RANBP2: variants seen among roughly 807,000 people sequenced by gnomAD.
The protein encoded by RANBP2 is E3 SUMO-protein ligase RanBP2.
Under a neutral mutation model 303.6 loss-of-function variants are expected in RANBP2, and 57 were observed. The observed-to-expected ratio is 0.19, with a 90% CI of 0.15 to 0.23. The LOEUF (loss-of-function observed/expected upper bound fraction) is 0.23. RANBP2 is among the 10% of genes least tolerant of loss of function. The pLI is 1.00. For synonymous variants in RANBP2, 1,167 were observed against 1,301.5 expected (o/e 0.90, Z 2.23); for missense variants, 3,138 against 3,780.8 (o/e 0.83, Z 4.46).
At chr2:109,410,303 A>G in the RANBP2 span, among the ~76,000 whole-genome samples, 1 of 152,220 alleles carries the variant, frequency 6.6e-6, no homozygotes, top group African/African-American at 2.4e-5. Context: ...GCTGTGTGCC[A>G]TTCACCTGTG....
chr2:109,648,972 G>T, the RANBP2 span, among the ~76,000 whole-genome samples: 2 of 152,088 alleles, frequency 1.3e-5, no homozygotes, highest in Non-Finnish European at 2.9e-5. Flanking sequence ...ACTGGTTGCG[G>T]GTGAGAGGGC....
chr2:109,291,307 T>TTG, the RANBP2 span, among the ~76,000 whole-genome samples: 2 of 151,556 alleles, frequency 1.3e-5, no homozygotes, highest in Non-Finnish European at 2.9e-5. Flanking sequence ...TGCATTATGC[T>TTG]TGAAGGAGGT....
chr2:108,809,861 A>G, the RANBP2 span, among the ~76,000 whole-genome samples: 1 of 152,202 alleles, frequency 6.6e-6, no homozygotes, highest in African/African-American at 2.4e-5. Context: ...GCTGGAGTGC[A>G]GCAGCACGAT....
chr2:108,741,492 G>A (rs1223424278), intron 7 of RANBP2, among the ~76,000 whole-genome samples: 16 of 121,126 alleles, frequency 1.3e-4, no homozygotes, highest in East Asian at 7.6e-4. Flanking sequence ...CACTGCGCCT[G>A]GCCTTTTTTT....
At chr2:108,929,275 A>G in the RANBP2 span, 2 of 1,614,184 alleles carry the variant, frequency 1.2e-6, no homozygotes, top group African/African-American at 1.3e-5. Flanking sequence ...AGAAGCCCTC[A>G]CAGTCTTTGT....
the RANBP2 span, chr2:109,613,126 A>G: frequency 2.4e-6 from 3 of 1,268,386 alleles, no homozygotes; most frequent in African/African-American, 3.1e-5. Context: ...TAGCCTTTGG[A>G]AAACTCGATG....
At chr2:109,593,894 G>T in the RANBP2 span, among the ~76,000 whole-genome samples, 1 of 152,070 alleles carries the variant, frequency 6.6e-6, no homozygotes, top group Non-Finnish European at 1.5e-5. Flanking sequence ...CATATTACAC[G>T]TCCATATCAC....
the RANBP2 span, among the ~76,000 whole-genome samples, chr2:109,649,463 T>A: frequency 6.6e-6 from 1 of 152,040 alleles, no homozygotes; most frequent in Non-Finnish European, 1.5e-5. Context: ...GGTGGCGTGA[T>A]CTCGGGTCAC....
the RANBP2 span, among the ~76,000 whole-genome samples, chr2:109,432,258 T>C: frequency 6.6e-6 from 1 of 152,172 alleles, no homozygotes; most frequent in Non-Finnish European, 1.5e-5. Context: ...CCTAAGGCTG[T>C]GGGTGACAGG....
the RANBP2 span, among the ~76,000 whole-genome samples, chr2:109,739,872 T>C: frequency 6.6e-6 from 1 of 150,406 alleles, no homozygotes; most frequent in Non-Finnish European, 1.5e-5. Flanking sequence ...TATATGGCTT[T>C]TATTACCTTG....
At chr2:109,689,463 C>T in the RANBP2 span, among the ~76,000 whole-genome samples, 6 of 152,000 alleles carry the variant, frequency 3.9e-5, no homozygotes, top group African/African-American at 9.7e-5. Context: ...GTTGAATGTA[C>T]ATTTAAACTG....
intron 1 of RANBP2, among the ~76,000 whole-genome samples, chr2:108,721,853 C>A (rs1319643912): frequency 1.3e-5 from 2 of 152,082 alleles, no homozygotes; most frequent in East Asian, 3.9e-4. Flanking sequence ...TCCATCCTCC[C>A]ACCTTAGCCT....
At chr2:109,426,435 A>T in the RANBP2 span, among the ~76,000 whole-genome samples, 1 of 152,214 alleles carries the variant, frequency 6.6e-6, no homozygotes, top group Middle Eastern at 3.2e-3. Context: ...ACTTCAGTGT[A>T]GGAAGTCACC....
the RANBP2 span, among the ~76,000 whole-genome samples, chr2:108,830,547 C>A: frequency 3.3e-5 from 5 of 152,210 alleles, no homozygotes; most frequent in African/African-American, 1.2e-4. Flanking sequence ...TGGCTCACGC[C>A]TGTAATCCCA....
At chr2:108,721,432 T>G (rs1471347490) in intron 1 of RANBP2, among the ~76,000 whole-genome samples, 1 of 152,124 alleles carries the variant, frequency 6.6e-6, no homozygotes, top group Non-Finnish European at 1.5e-5. Flanking sequence ...AATTAAAGAC[T>G]TTAATTTTTG....
At chr2:109,041,335 T>C in the RANBP2 span, among the ~76,000 whole-genome samples, 2 of 152,174 alleles carry the variant, frequency 1.3e-5, no homozygotes, top group Non-Finnish European at 2.9e-5. Context: ...TCCAGGACAA[T>C]GTTGAATAGG....
At chr2:109,317,703 G>A in the RANBP2 span, among the ~76,000 whole-genome samples, 2 of 152,300 alleles carry the variant, frequency 1.3e-5, no homozygotes, top group South Asian at 2.1e-4. Context: ...CTCCACCACG[G>A]AATCACAGTG....
At chr2:109,046,290 C>CAAG in the RANBP2 span, among the ~76,000 whole-genome samples, 1 of 137,352 alleles carries the variant, frequency 7.3e-6, no homozygotes, top group African/African-American at 2.7e-5. Flanking sequence ...GGCGACAGTG[C>CAAG]AAGACTCTGT....
the RANBP2 span, chr2:109,449,109 GCAGGCA>G: frequency 6.5e-7 from 1 of 1,548,242 alleles, no homozygotes. Context: ...CAGCTGCCTG[GCAGGCA>G]TGGCAAGTTG....
Sources: gnomAD v4.1 joint callset for allele counts (sites outside exome capture counted in the v4.1 genomes callset) on GRCh38, gnomAD v4.1.1 for gene constraint, MANE v1.5 for transcripts, NCBI Gene and HGNC (gene_info 2026-07-23, HGNC 2026-07-21) for gene names.